The following CAMKMT variants were observed in gnomAD, a reference collection of about 807,000 sequenced individuals.
The protein encoded by CAMKMT is calmodulin-lysine N-methyltransferase.
A neutral mutation model predicts 48.0 loss-of-function variants in CAMKMT; 53 were observed. That is an observed-to-expected ratio of 1.10 (90% confidence interval 0.89 to 1.39). The LOEUF (loss-of-function observed/expected upper bound fraction) is 1.39. Ranked by LOEUF, CAMKMT falls within the 40% of genes most tolerant of loss-of-function variation. The probability of loss-of-function intolerance (pLI) is 0.00; values close to 1 mark genes in which losing one functional copy is unlikely to be tolerated. For synonymous variants in CAMKMT, 165 were observed against 152.3 expected (o/e 1.08, Z -0.61); for missense variants, 428 against 402.7 (o/e 1.06, Z -0.54).
intron 3 of CAMKMT, among the ~76,000 whole-genome samples, chr2:44,401,655 A>G (rs1682386686): frequency 6.6e-6 from 1 of 152,248 alleles, no homozygotes; most frequent in African/African-American, 2.4e-5. Flanking sequence ...AATGGCTTGA[A>G]TAACTACATT....
At chr2:44,770,717 T>A (rs1681069394) in intron 10 of CAMKMT, among the ~76,000 whole-genome samples, 1 of 152,234 alleles carries the variant, frequency 6.6e-6, no homozygotes, top group African/African-American at 2.4e-5. Flanking sequence ...AGCCATTTTC[T>A]CAGCATTTTC....
At chr2:44,424,744 C>T (rs1292705203) in intron 3 of CAMKMT, among the ~76,000 whole-genome samples, 1 of 152,106 alleles carries the variant, frequency 6.6e-6, no homozygotes, top group African/African-American at 2.4e-5. Context: ...TGACACAGTG[C>T]ACTTTGGGGA....
At chr2:44,705,308 T>G in intron 4 of CAMKMT, 2 of 983,102 alleles carry the variant, frequency 2.0e-6, no homozygotes, top group South Asian at 4.7e-5. Context: ...GCTTTTTTTC[T>G]CCTCTTGAGG....
At chr2:44,485,759 AC>A (rs1352957252) in intron 3 of CAMKMT, among the ~76,000 whole-genome samples, 2 of 152,192 alleles carry the variant, frequency 1.3e-5, no homozygotes, top group Non-Finnish European at 2.9e-5. Context: ...TCCTTCTCTT[AC>A]CAAAACATCC....
At chr2:44,370,653 C>G (rs1489381069) in intron 1 of CAMKMT, among the ~76,000 whole-genome samples, 4 of 152,032 alleles carry the variant, frequency 2.6e-5, no homozygotes, top group Non-Finnish European at 5.9e-5. Context: ...TTAACCTGTA[C>G]TCTTTTAGGG....
intron 3 of CAMKMT, among the ~76,000 whole-genome samples, chr2:44,534,743 T>G (rs1013360925): frequency 6.6e-6 from 1 of 151,968 alleles, no homozygotes; most frequent in African/African-American, 2.4e-5. Context: ...CTAAGAGAAG[T>G]TTATAGCATT....
intron 3 of CAMKMT, among the ~76,000 whole-genome samples, chr2:44,454,795 T>C (rs557422019): frequency 2.0e-5 from 3 of 152,284 alleles, no homozygotes; most frequent in East Asian, 3.9e-4. Context: ...AGAATTGTAT[T>C]GTATCAGTGA....
chr2:44,484,499 A>C (rs1225649251), intron 3 of CAMKMT, among the ~76,000 whole-genome samples: 1 of 152,092 alleles, frequency 6.6e-6, no homozygotes, highest in Non-Finnish European at 1.5e-5. Context: ...TTAATAAAAT[A>C]TTCTGATTCA....
chr2:44,731,056 C>G lies in CAMKMT; in HGVS notation c.624-12566C>G, dbSNP rs1283011459. Among the ~76,000 whole-genome samples the G allele has an allele frequency of 2.0e-5, 3 of 152,186 alleles. No individual in the cohort carries two copies. The South Asian group carries it at 6.2e-4, about 32-fold the overall frequency. On this transcript the variant is annotated intron_variant, in intron 7 of 10. Transcript: ENST00000378494. ...TTAACAGCAGAGTTTAAAACCAAGA[C>G]TCAGCCGGGCACAGTGGCCCACACC...
chr2:44,463,581 C>T (rs1245510117), intron 3 of CAMKMT, among the ~76,000 whole-genome samples: 1 of 152,112 alleles, frequency 6.6e-6, no homozygotes, highest in Non-Finnish European at 1.5e-5. Flanking sequence ...TTCAGTCTTG[C>T]CTGACTCAGA....
chr2:44,735,215 T>C (rs1573196852), intron 7 of CAMKMT, among the ~76,000 whole-genome samples: 1 of 152,358 alleles, frequency 6.6e-6, no homozygotes, highest in East Asian at 1.9e-4. Flanking sequence ...TCCATCTTTT[T>C]ACTTTTAACC....
Position 44,761,882 on chromosome 2 carries a change from A to AT in CAMKMT, c.763-4546dup, listed in dbSNP as rs758541865. ...TTGAGTTTTATTTTGGACAAAATGG[A>AT]TTAAAGGTATTTTCAGAATACCCAC... On this transcript the variant is annotated intron_variant, in intron 9 of 10. Transcript: ENST00000378494. 9.8e-5 allele frequency among the ~76,000 whole-genome samples: 15 copies of AT among 152,306 alleles called. 1 individual carries two copies. In the South Asian group the frequency reaches 2.9e-3, roughly 29 times the overall value.
chr2:44,649,889 A>C (rs1234490002), intron 3 of CAMKMT, among the ~76,000 whole-genome samples: 1 of 152,092 alleles, frequency 6.6e-6, no homozygotes. Flanking sequence ...TAAATCTTCC[A>C]CTTATGTCTC....
chr2:44,689,032 G>A (rs948834820), intron 3 of CAMKMT, among the ~76,000 whole-genome samples: 3 of 152,126 alleles, frequency 2.0e-5, no homozygotes, highest in South Asian at 4.2e-4. Context: ...GCTGGACTCC[G>A]AGGCAGGAAA....
At chr2:44,695,549 A>G (rs918730185) in intron 3 of CAMKMT, among the ~76,000 whole-genome samples, 1 of 152,236 alleles carries the variant, frequency 6.6e-6, no homozygotes, top group African/African-American at 2.4e-5. Context: ...AACTATATTC[A>G]AAAGACCATG....
At chr2:44,704,436 TG>T in intron 4 of CAMKMT, 93 bp downstream of exon 4, 1 of 848,584 alleles carries the variant, frequency 1.2e-6, no homozygotes, top group Non-Finnish European at 1.7e-6. Flanking sequence ...CAAATTAAAT[TG>T]TTAGAAAAAA....
At chr2:44,754,850 T>TA (rs373413830) in intron 9 of CAMKMT, among the ~76,000 whole-genome samples, 9,978 of 143,064 alleles carry the variant, frequency 0.07, 320 homozygotes, top group African/African-American at 0.086. Flanking sequence ...GCTCATGCAT[T>TA]AAAAAAAAAA....
At chr2:44,668,330 G>A (rs567493005) in intron 3 of CAMKMT, among the ~76,000 whole-genome samples, 1 of 152,174 alleles carries the variant, frequency 6.6e-6, no homozygotes, top group South Asian at 2.1e-4. Context: ...CTAAGGCTAG[G>A]CATTCTTCTT....
intron 3 of CAMKMT, among the ~76,000 whole-genome samples, chr2:44,628,665 A>G (rs1202537222): frequency 2.0e-5 from 3 of 151,938 alleles, no homozygotes; most frequent in Non-Finnish European, 4.4e-5. Context: ...AAGCATTCAA[A>G]GCTGCAAATT....
Sources: allele counts gnomAD v4.1 joint callset (sites outside exome capture counted in the v4.1 genomes callset), GRCh38; gene constraint gnomAD v4.1.1; transcripts MANE v1.5; gene names NCBI Gene and HGNC (gene_info 2026-07-23, HGNC 2026-07-21).